Variants in EIF4G3 observed in about 807,000 individuals in gnomAD.
EIF4G3 encodes the protein eIF-4-gamma 3.
In EIF4G3, 34 loss-of-function variants were observed where a neutral mutation model predicts 186.4. That is an observed-to-expected ratio of 0.18 (90% CI 0.14 to 0.24). EIF4G3 has a LOEUF of 0.24. Among genes scored for constraint, EIF4G3 ranks in the 10% least tolerant of loss-of-function variants. The probability of loss-of-function intolerance (pLI) is 1.00; values close to 1 mark genes in which losing one functional copy is unlikely to be tolerated. For synonymous variants in EIF4G3, 673 were observed against 679.5 expected (o/e 0.99, Z 0.15); for missense variants, 1,536 against 1,948.5 (o/e 0.79, Z 3.99).
At chr1:21,026,972 T>C (rs2092209326) in intron 4 of EIF4G3, among the ~76,000 whole-genome samples, 1 of 146,066 alleles carries the variant, frequency 6.8e-6, no homozygotes, top group Non-Finnish European at 1.5e-5. Context: ...ATCCTGAATA[T>C]ATAGAACTCC....
rs370216567 is a variant in EIF4G3, at chr1:20,970,225, C to T, written c.592-629G>A. 2.0e-5 allele frequency among the ~76,000 whole-genome samples: 3 copies of T among 152,324 alleles called. No homozygotes were observed. In the South Asian group the frequency reaches 6.2e-4, roughly 32 times the overall value. ...AGTTAGGAATAATTTATTCTGACAA[C>T]AACCTTATATACAAATGTAATAATG... is the stretch of plus-strand genomic sequence containing the variant. On this transcript the variant is annotated intron_variant, in intron 11 of 36. Transcript: ENST00000602326.
At chr1:21,160,999 C>T (rs935058684) in intron 2 of EIF4G3, among the ~76,000 whole-genome samples, 2 of 151,844 alleles carry the variant, frequency 1.3e-5, no homozygotes, top group Non-Finnish European at 2.9e-5. Flanking sequence ...GGTGAAACCC[C>T]GTCTCTAATA....
chr1:20,871,488 C>T (rs752317477), intron 20 of EIF4G3, among the ~76,000 whole-genome samples: 11 of 152,158 alleles, frequency 7.2e-5, no homozygotes, highest in Admixed American at 4.6e-4. Flanking sequence ...ATCAGACTCC[C>T]AGATACTAGT....
chr1:21,039,465 A>G (rs548199436), intron 4 of EIF4G3, among the ~76,000 whole-genome samples: 2 of 152,350 alleles, frequency 1.3e-5, no homozygotes, highest in African/African-American at 4.8e-5. Context: ...TGACACCAAA[A>G]GCACAGACAA....
At chr1:21,039,523 C>T (rs1219033307) in intron 4 of EIF4G3, among the ~76,000 whole-genome samples, 3 of 152,128 alleles carry the variant, frequency 2.0e-5, no homozygotes, top group Non-Finnish European at 2.9e-5. Flanking sequence ...GTGAGCGAGG[C>T]ATGGTGGCAC....
At chr1:20,817,671 T>C (rs2061396644) in intron 33 of EIF4G3, 133 bp from the exon 34 acceptor site, 2 of 498,182 alleles carry the variant, frequency 4.0e-6, no homozygotes, top group African/African-American at 4.1e-5. Context: ...GAGGCTATTT[T>C]ATGTTTGTAG....
chr1:20,855,160 A>C (rs2074510690), intron 25 of EIF4G3, 89 bp from the exon 26 acceptor site: 1 of 1,038,442 alleles, frequency 9.6e-7, no homozygotes, highest in Middle Eastern at 3.1e-4. Context: ...GTGAAGTAGA[A>C]CCAATTTTAG....
chr1:21,092,979 T>C (rs997996682), intron 2 of EIF4G3, among the ~76,000 whole-genome samples: 6 of 151,988 alleles, frequency 3.9e-5, no homozygotes, highest in Non-Finnish European at 8.8e-5. Flanking sequence ...AAATGTTAGA[T>C]CTAAAACCAT....
chr1:20,844,651 C>T (rs867906253), intron 29 of EIF4G3, among the ~76,000 whole-genome samples: 1 of 151,922 alleles, frequency 6.6e-6, no homozygotes, highest in African/African-American at 2.4e-5. Context: ...GCCAACGTGG[C>T]GAAACCCCGT....
chr1:20,843,856 T>C (rs1212404174), intron 29 of EIF4G3, among the ~76,000 whole-genome samples: 1 of 152,214 alleles, frequency 6.6e-6, no homozygotes, highest in Non-Finnish European at 1.5e-5. Context: ...CCTCTACGTG[T>C]CCATGTGTTC....
At chr1:20,983,952 C>G (rs997532276) in intron 7 of EIF4G3, among the ~76,000 whole-genome samples, 1 of 152,108 alleles carries the variant, frequency 6.6e-6, no homozygotes, top group Non-Finnish European at 1.5e-5. Context: ...TATTTTCTTA[C>G]CACTATTTTC....
rs559554197 is a variant in EIF4G3, at chr1:20,862,566, C to T, written c.3007-234G>A. Among the ~76,000 whole-genome samples, 4 of 152,196 alleles carry T rather than the reference C, an allele frequency of 2.6e-5. No homozygotes were observed. In the East Asian group the frequency reaches 7.7e-4, roughly 29 times the overall value. On this transcript the variant is annotated intron_variant, in intron 22 of 36. Coordinates refer to ENST00000602326, the MANE Select transcript of EIF4G3 (RefSeq NM_001391906.1). ...TAGCTGGGACTACAGGCACGTGCCA[C>T]CGTGCCTGGCTAATCTTTTAATTTT...
intron 4 of EIF4G3, among the ~76,000 whole-genome samples, chr1:21,027,342 G>A (rs1187748001): frequency 6.6e-6 from 1 of 151,412 alleles, no homozygotes; most frequent in Non-Finnish European, 1.5e-5. Flanking sequence ...ACAGGTGCGT[G>A]CCACCATGCT....
intron 20 of EIF4G3, among the ~76,000 whole-genome samples, chr1:20,870,873 T>C (rs542192024): frequency 7.9e-5 from 12 of 152,114 alleles, no homozygotes; most frequent in Middle Eastern, 3.4e-3. Context: ...AGAGGTGGAG[T>C]TGACCATGTC....
chr1:20,970,152 T>C (rs2075545413), intron 11 of EIF4G3, among the ~76,000 whole-genome samples: 1 of 152,078 alleles, frequency 6.6e-6, no homozygotes, highest in Non-Finnish European at 1.5e-5. Flanking sequence ...ACGCTGTAAA[T>C]AATTCTCTGA....
In EIF4G3 at chr1:20,893,519, G is replaced by A; in HGVS notation, c.2251C>T (p.Pro751Ser). Residue 751 changes from proline (P) to serine (S), a missense_variant and splice_region_variant, in exon 18 of 37, where the codon CCT becomes TCT. Physicochemically the swap from Pro to Ser is moderately conservative, Grantham distance 74. Around this residue, in one of 11 missense-constraint regions of EIF4G3, gnomAD observed 139 missense variants for 192.8 expected, o/e 0.72. Coordinates refer to ENST00000602326, the MANE Select transcript of EIF4G3 (RefSeq NM_001391906.1). ...GRQTPGGRGVPLLNVGSRRSQ... is the reference protein window; with the variant it reads ...GRQTPGGRGVSLLNVGSRRSQ... ...AGTTGTAGGGAACTTGCACTTACAGGTACGCCTCTTCCACCAGGTGTCTGC... is the reference window on the plus strand; with the variant it reads ...AGTTGTAGGGAACTTGCACTTACAGATACGCCTCTTCCACCAGGTGTCTGC... 1 of 1,598,798 alleles carries A rather than the reference G, an allele frequency of 6.3e-7. No individual in the cohort carries two copies. The highest frequency in any genetic ancestry group is 1.3e-5 in the African/African-American group (1 of 74,756).
chr1:20,945,758 T>C (rs986410204), intron 13 of EIF4G3, among the ~76,000 whole-genome samples: 1 of 152,228 alleles, frequency 6.6e-6, no homozygotes, highest in African/African-American at 2.4e-5. Context: ...GTGCTTAGAT[T>C]ACAGGCGTGA....
chr1:21,075,815 C>G lies in EIF4G3; in HGVS notation c.-196+13323G>C, dbSNP rs528577247. ...AATACATATGCACGTAACAAAAGAG[C>G]CCCCAGACATATATAGCAAGTACTA... On this transcript the variant is annotated intron_variant, in intron 3 of 36. Transcript: ENST00000602326. 2.6e-5 allele frequency among the ~76,000 whole-genome samples: 4 copies of G among 151,896 alleles called. No individual in the cohort carries two copies. The South Asian group carries it at 8.3e-4, about 32-fold the overall frequency.
At chr1:20,899,397 C>T (rs534557043) in intron 16 of EIF4G3, among the ~76,000 whole-genome samples, 105 of 152,200 alleles carry the variant, frequency 6.9e-4, no homozygotes, top group Non-Finnish European at 1.1e-3. Flanking sequence ...TCAATTAAAA[C>T]GAATGCAATA....
Sources: gnomAD v4.1 joint callset for allele counts (sites outside exome capture counted in the v4.1 genomes callset) on GRCh38, gnomAD v4.1.1 for gene constraint, gnomAD v4.1.1 regional missense constraint, MANE v1.5 for transcripts, NCBI Gene and HGNC (gene_info 2026-07-23, HGNC 2026-07-21) for gene names.